Variants in FGF12 observed in about 807,000 individuals in gnomAD.
FGF12 encodes the protein fibroblast growth factor 12.
A neutral mutation model predicts 23.6 loss-of-function variants in FGF12; 14 were observed. The ratio of observed to expected loss-of-function variants is 0.59; its 90% CI spans 0.39 to 0.93. FGF12 has a LOEUF of 0.93. FGF12 is among the 40% of genes least tolerant of loss of function. The pLI, the probability that FGF12 is intolerant of heterozygous loss-of-function variation, is 0.00. For synonymous variants in FGF12, 62 were observed against 77.3 expected (o/e 0.80, Z 1.04); for missense variants, 175 against 217.8 (o/e 0.80, Z 1.24).
At chr3:192,710,755 T>C (rs1360545914) in intron 2 of FGF12, among the ~76,000 whole-genome samples, 1 of 152,186 alleles carries the variant, frequency 6.6e-6, no homozygotes, top group Non-Finnish European at 1.5e-5. Flanking sequence ...GACTAGATAT[T>C]TATTCTTTGT....
At chr3:192,415,673 C>T (rs1040025220) in intron 2 of FGF12, among the ~76,000 whole-genome samples, 3 of 150,904 alleles carry the variant, frequency 2.0e-5, no homozygotes, top group South Asian at 4.2e-4. Flanking sequence ...CTCTGATCAC[C>T]CCCATCCCCA....
At position 192,512,124 on chromosome 3, in the gene FGF12, A is replaced by C. The variant is rs1007477109; in HGVS notation, c.14-151586T>G. Among the ~76,000 whole-genome samples, 9 of 152,322 alleles carry C rather than the reference A, an allele frequency of 5.9e-5. No individual in the cohort carries two copies. The South Asian group carries it at 1.0e-3, about 18-fold the overall frequency. ...CCTCAACTGTAAAATAATGGAGAAG[A>C]AGCAGCTGGCATAAAACTTTGTTAT... is the stretch of plus-strand genomic sequence containing the variant. On this transcript the variant is annotated intron_variant, in intron 2 of 5. Coordinates refer to ENST00000445105, the MANE Select transcript of FGF12 (RefSeq NM_004113.6).
Position 192,408,209 on chromosome 3 carries a change from T to C in FGF12, c.14-47671A>G. On this transcript the variant is annotated intron_variant, in intron 2 of 5. Transcript: ENST00000445105. This position sits in a 1 kb window ranked among gnomAD's most constrained non-coding sequence, Gnocchi z 7.3. ...GCTTCTGCCGGATCAAGGAGCTGGC[T>C]ATCGCCGCAGCCATAGCTGCTCAGC... is the stretch of plus-strand genomic sequence containing the variant. The C allele has an allele frequency of 6.2e-7, 1 of 1,603,628 alleles. No homozygotes were observed. The highest frequency in any genetic ancestry group is 8.5e-7 in the Non-Finnish European group (1 of 1,178,670).
chr3:192,344,836 A>G (rs1717874445), intron 3 of FGF12, among the ~76,000 whole-genome samples: 1 of 152,182 alleles, frequency 6.6e-6, no homozygotes, highest in African/African-American at 2.4e-5. Context: ...ATTAAACGTG[A>G]TTATTTTTTC....
intron 2 of FGF12, among the ~76,000 whole-genome samples, chr3:192,720,325 G>A (rs1409152357): frequency 6.6e-6 from 1 of 152,232 alleles, no homozygotes; most frequent in Non-Finnish European, 1.5e-5. Context: ...GAAAAGATCT[G>A]TGAAGGGGCA....
chr3:192,149,420 C>T (rs934886945), intron 5 of FGF12, among the ~76,000 whole-genome samples: 3 of 139,200 alleles, frequency 2.2e-5, no homozygotes, highest in Non-Finnish European at 4.7e-5. Flanking sequence ...CCCACTAACT[C>T]GTCATCTAGC....
intron 2 of FGF12, among the ~76,000 whole-genome samples, chr3:192,663,985 A>G (rs1409076916): frequency 1.3e-5 from 2 of 152,204 alleles, no homozygotes; most frequent in Admixed American, 6.5e-5. Context: ...CCTGAAGGAC[A>G]TAGTACACAT....
intron 2 of FGF12, among the ~76,000 whole-genome samples, chr3:192,378,084 T>TTCTTTCTTTCTTTCTTTCTG: frequency 8.7e-6 from 1 of 114,432 alleles, no homozygotes; most frequent in Non-Finnish European, 1.7e-5. Flanking sequence ...CTTTCTTTCT[T>TTCTTTCTTTCTTTCTTTCTG]TCTTTCTTTC....
At chr3:192,465,831 G>A (rs1722995288) in intron 2 of FGF12, among the ~76,000 whole-genome samples, 1 of 152,256 alleles carries the variant, frequency 6.6e-6, no homozygotes, top group South Asian at 2.1e-4. Context: ...CACCCTCAGT[G>A]CTCCCTCAGA....
At chr3:192,244,445 A>G (rs920808415) in intron 4 of FGF12, among the ~76,000 whole-genome samples, 1 of 152,160 alleles carries the variant, frequency 6.6e-6, no homozygotes, top group Non-Finnish European at 1.5e-5. Flanking sequence ...GATAGTGTGG[A>G]CAGTGGCTAT....
In FGF12 at chr3:192,262,775, C is replaced by T. The variant is rs183827517; in HGVS notation, c.228+72586G>A. On this transcript the variant is annotated intron_variant, in intron 4 of 5. Transcript: ENST00000445105. ...CATGTATCCCAATCATTAAGTGACA[C>T]GTGACTGTAATTTTTTTTTTCCAAT... Among the ~76,000 whole-genome samples, 97 of 151,988 alleles carry T rather than the reference C, an allele frequency of 6.4e-4. No individual in the cohort carries two copies. In the East Asian group the frequency reaches 0.013, roughly 21 times the overall value.
intron 2 of FGF12, among the ~76,000 whole-genome samples, chr3:192,404,502 GTAATTCA>G (rs923857055): frequency 1.3e-5 from 2 of 152,184 alleles, no homozygotes; most frequent in African/African-American, 4.8e-5. Context: ...GAATAAGCGT[GTAATTCA>G]TACGGATGTA....
At position 192,160,104 on chromosome 3, in the gene FGF12, T is replaced by C. The variant is rs146445042; in HGVS notation, c.427+10354A>G. On this transcript the variant is annotated intron_variant, in intron 5 of 5. Transcript: ENST00000445105. ...ATCCATTAGCATGCTCTATCAGGTC[T>C]ACCTTCAAAATAAATTCAAAGTCAT... 2.6e-5 allele frequency among the ~76,000 whole-genome samples: 4 copies of C among 152,256 alleles called. No individual in the cohort carries two copies. In the East Asian group the frequency reaches 7.7e-4, roughly 29 times the overall value.
At chr3:192,169,649 C>T (rs896803793) in intron 5 of FGF12, among the ~76,000 whole-genome samples, 2 of 151,900 alleles carry the variant, frequency 1.3e-5, no homozygotes, top group Admixed American at 6.6e-5. Flanking sequence ...TTTCCTCAGA[C>T]GAGGATGCTG....
At position 192,176,431 on chromosome 3, in the gene FGF12, CA is replaced by C. The variant is rs1715866755; in HGVS notation, c.229-5776del. On this transcript the variant is annotated intron_variant, in intron 4 of 5. Transcript: ENST00000445105. ...TAGTTCACAGGGACATAATCCTCTT[CA>C]ATGCTTTTTATGAAGCCAAGCAATT... Among the ~76,000 whole-genome samples, 4 of 152,182 alleles carry C rather than the reference CA, an allele frequency of 2.6e-5. No homozygotes were observed. The South Asian group carries it at 8.3e-4, about 32-fold the overall frequency.
intron 3 of FGF12, among the ~76,000 whole-genome samples, chr3:192,338,632 G>A (rs998903116): frequency 6.6e-6 from 1 of 152,274 alleles, no homozygotes; most frequent in African/African-American, 2.4e-5. Context: ...ACTCCCCAGC[G>A]GGTGTTGGCA....
At chr3:192,226,211 C>A (rs1178867678) in intron 4 of FGF12, among the ~76,000 whole-genome samples, 1 of 152,136 alleles carries the variant, frequency 6.6e-6, no homozygotes, top group Non-Finnish European at 1.5e-5. Context: ...CTTTTGAAGT[C>A]CTGGTATGCT....
intron 2 of FGF12, among the ~76,000 whole-genome samples, chr3:192,627,070 G>A (rs898280845): frequency 6.6e-6 from 1 of 152,078 alleles, no homozygotes; most frequent in African/African-American, 2.4e-5. Context: ...GCTTGGAAGA[G>A]CTATAATCAT....
At chr3:192,323,615 T>C (rs555617047) in intron 4 of FGF12, among the ~76,000 whole-genome samples, 4 of 152,234 alleles carry the variant, frequency 2.6e-5, no homozygotes, top group South Asian at 2.1e-4. Flanking sequence ...TATAGTTAGA[T>C]AGAATGTTTC....
Sources: allele counts gnomAD v4.1 joint callset (sites outside exome capture counted in the v4.1 genomes callset), GRCh38; gene constraint gnomAD v4.1.1; non-coding constraint Gnocchi (gnomAD v3.1); transcripts MANE v1.5; gene names NCBI Gene and HGNC (gene_info 2026-07-23, HGNC 2026-07-21).